The following SPATA9 variants were observed in gnomAD, a reference collection of about 807,000 sequenced individuals.
SPATA9 encodes the protein spermatogenesis-associated protein 9.
In SPATA9, 27 loss-of-function variants were observed where a neutral mutation model predicts 25.5. The observed-to-expected ratio is 1.06, with a 90% CI of 0.78 to 1.46. The LOEUF is 1.46. SPATA9 is among the 40% of genes most tolerant of loss of function. SPATA9 has a pLI of 0.00. For synonymous variants in SPATA9, 102 were observed against 105.7 expected (o/e 0.97, Z 0.21); for missense variants, 282 against 297.5 (o/e 0.95, Z 0.38).
At chr5:95,697,403 G>A (rs73149680) in intron 1 of SPATA9, among the ~76,000 whole-genome samples, 1,902 of 152,274 alleles carry the variant, frequency 0.012, 39 homozygotes, top group African/African-American at 0.043. Context: ...ACAACCTGGC[G>A]GATTGTCCCA....
chr5:95,670,849 T>C, intron 3 of SPATA9: 1 of 985,424 alleles, frequency 1.0e-6, no homozygotes, highest in Non-Finnish European at 1.2e-6. Context: ...TCCAGGCCAT[T>C]GTCCTCATAG....
chr5:95,681,375 C>G (rs1352793449), intron 2 of SPATA9, among the ~76,000 whole-genome samples: 1 of 152,164 alleles, frequency 6.6e-6, no homozygotes, highest in Non-Finnish European at 1.5e-5. Context: ...CTTCCCTGCC[C>G]CTACCCACTG....
intron 1 of SPATA9, among the ~76,000 whole-genome samples, chr5:95,688,798 A>G (rs578101685): frequency 6.6e-6 from 1 of 152,324 alleles, no homozygotes; most frequent in South Asian, 2.1e-4. Flanking sequence ...GATTGCACTC[A>G]TAGCTTAACC....
chr5:95,710,060 G>T, the SPATA9 span, among the ~76,000 whole-genome samples: 9 of 152,186 alleles, frequency 5.9e-5, no homozygotes, highest in Admixed American at 5.9e-4. Flanking sequence ...GAGCCTGAGT[G>T]AGGGCCATCA....
chr5:95,730,447 G>T, the SPATA9 span, among the ~76,000 whole-genome samples: 1 of 152,170 alleles, frequency 6.6e-6, no homozygotes, highest in Non-Finnish European at 1.5e-5. Flanking sequence ...CGTTTGTATC[G>T]AGGTAGTTTG....
downstream of SPATA9, chr5:95,658,122 T>C (rs1006322044): frequency 6.6e-6 from 1 of 152,396 alleles, no homozygotes; most frequent in Non-Finnish European, 1.5e-5. Flanking sequence ...AGTAATATTT[T>C]GTTTTATAAA....
At chr5:95,689,752 T>C (rs1447889067) in intron 1 of SPATA9, among the ~76,000 whole-genome samples, 9 of 152,148 alleles carry the variant, frequency 5.9e-5, no homozygotes, top group Non-Finnish European at 1.3e-4. Flanking sequence ...TATGAAAGTA[T>C]GTTCAACATC....
intron 1 of SPATA9, among the ~76,000 whole-genome samples, chr5:95,690,646 T>A (rs1415342359): frequency 1.3e-5 from 2 of 152,154 alleles, no homozygotes; most frequent in African/African-American, 4.8e-5. Flanking sequence ...ACAGATATTA[T>A]GGGTTTCCTA....
intron 1 of SPATA9, among the ~76,000 whole-genome samples, chr5:95,695,406 T>A (rs1324742498): frequency 6.6e-6 from 1 of 151,520 alleles, no homozygotes; most frequent in African/African-American, 2.4e-5. Context: ...GAGACCAGCC[T>A]GGCCAACATG....
chr5:95,713,797 C>T, the SPATA9 span: 1 of 151,644 alleles, frequency 6.6e-6, no homozygotes, highest in Non-Finnish European at 1.5e-5. Context: ...TCTTCAGTAA[C>T]TAGAAAAGAG....
the SPATA9 span, chr5:95,731,080 C>T: frequency 4.6e-6 from 5 of 1,082,188 alleles, no homozygotes; most frequent in Non-Finnish European, 4.6e-6. Flanking sequence ...TTGCTGCAGG[C>T]GGATTGGCGG....
At chr5:95,728,656 T>C in the SPATA9 span, among the ~76,000 whole-genome samples, 1 of 152,160 alleles carries the variant, frequency 6.6e-6, no homozygotes, top group Admixed American at 6.6e-5. Context: ...AACTAATTAA[T>C]ATGTCAGAGG....
the SPATA9 span, among the ~76,000 whole-genome samples, chr5:95,719,021 T>C: frequency 6.6e-6 from 1 of 152,030 alleles, no homozygotes; most frequent in Non-Finnish European, 1.5e-5. Flanking sequence ...TAAGGAGGTA[T>C]AAAGTGGAGG....
At chr5:95,731,312 A>T in the SPATA9 span, 1 of 1,060,052 alleles carries the variant, frequency 9.4e-7, no homozygotes, top group Non-Finnish European at 1.1e-6. Flanking sequence ...CTCTGCTTAG[A>T]GGAGGAGGAG....
At chr5:95,687,216 C>A (rs1753771186), upstream of SPATA9, among the ~76,000 whole-genome samples, 1 of 152,182 alleles carries the variant, frequency 6.6e-6, no homozygotes, top group Non-Finnish European at 1.5e-5. Context: ...TAGGAGACAG[C>A]AGATTCAGGC....
At chr5:95,711,620 G>C in the SPATA9 span, among the ~76,000 whole-genome samples, 1 of 152,176 alleles carries the variant, frequency 6.6e-6, no homozygotes, top group Admixed American at 6.5e-5. Flanking sequence ...AGGAGATATG[G>C]GACGACCCTA....
chr5:95,653,349 TCAGA>T (rs1750477942), downstream of SPATA9: 2 of 1,248,130 alleles, frequency 1.6e-6, no homozygotes, highest in Non-Finnish European at 2.2e-6. Flanking sequence ...TGAAGACTAT[TCAGA>T]CAATCAAAGA....
At chr5:95,707,513 GAAGTA>G in the SPATA9 span, among the ~76,000 whole-genome samples, 34,458 of 151,744 alleles carry the variant, frequency 0.23, 4,138 homozygotes, top group East Asian at 0.5. Context: ...CAATTTTACA[GAAGTA>G]AAGTAGTCAA....
At chr5:95,716,285 G>C in the SPATA9 span, among the ~76,000 whole-genome samples, 1 of 152,234 alleles carries the variant, frequency 6.6e-6, no homozygotes, top group Non-Finnish European at 1.5e-5. Flanking sequence ...CCAGGAGTGG[G>C]GGTTACACCC....
Sources: allele counts gnomAD v4.1 joint callset (sites outside exome capture counted in the v4.1 genomes callset), GRCh38; gene constraint gnomAD v4.1.1; transcripts MANE v1.5; gene names NCBI Gene and HGNC (gene_info 2026-07-23, HGNC 2026-07-21).